Variants in PEX5L observed in about 807,000 individuals in gnomAD.
PEX5L encodes peroxisomal biogenesis factor 5 like, also known as PEX5-related protein.
Under a neutral mutation model 84.0 loss-of-function variants are expected in PEX5L, and 30 were observed. That is an observed-to-expected ratio of 0.36 (90% CI 0.27 to 0.48). The LOEUF (loss-of-function observed/expected upper bound fraction) is 0.48, where lower values mean the gene tolerates loss of function less well. Among genes scored for constraint, PEX5L ranks in the 20% least tolerant of loss-of-function variants. The pLI is 0.99. For missense variants in PEX5L, 533 were observed against 754.6 expected (o/e 0.71, Z 3.44); for synonymous variants, 270 against 283.1 (o/e 0.95, Z 0.46).
chr3:179,982,724 C>A (rs1354372027), intron 1 of PEX5L, among the ~76,000 whole-genome samples: 1 of 152,060 alleles, frequency 6.6e-6, no homozygotes, highest in African/African-American at 2.4e-5. Context: ...ATAAGTGCAT[C>A]TTTAGAAGTA....
At chr3:179,867,025 C>CAAAAAAAAAAA (rs61404630) in intron 7 of PEX5L, among the ~76,000 whole-genome samples, 2 of 89,412 alleles carry the variant, frequency 2.2e-5, no homozygotes, top group Non-Finnish European at 4.5e-5. Flanking sequence ...GACTCTGTCT[C>CAAAAAAAAAAA]AAAAAAAAAA....
intron 13 of PEX5L, 68 bp downstream of exon 13, chr3:179,808,204 G>C (rs367671031): frequency 7.8e-6 from 10 of 1,276,018 alleles, no homozygotes; most frequent in East Asian, 2.4e-5. Context: ...AATGTAGACG[G>C]TGTAGCCTGT....
chr3:179,900,114 C>T (rs113640756), intron 2 of PEX5L, among the ~76,000 whole-genome samples: 85 of 152,226 alleles, frequency 5.6e-4, no homozygotes, highest in African/African-American at 1.9e-3. Flanking sequence ...AAACATCACA[C>T]GCTATAAACT....
chr3:179,943,852 C>T (rs1776811484), intron 2 of PEX5L, among the ~76,000 whole-genome samples: 1 of 152,154 alleles, frequency 6.6e-6, no homozygotes, highest in South Asian at 2.1e-4. Context: ...TTCCTTTCCA[C>T]ATCAGCTATT....
chr3:179,896,986 A>G (rs986928484), intron 3 of PEX5L, among the ~76,000 whole-genome samples: 1 of 152,130 alleles, frequency 6.6e-6, no homozygotes, highest in Non-Finnish European at 1.5e-5. Context: ...AAAAAGCTGA[A>G]AACATAAAAT....
rs79533014 is a variant in PEX5L at position 179,942,887 on chromosome 3, T to C, written c.93+28707A>G. Among the ~76,000 whole-genome samples the C allele has an allele frequency of 2.0e-5, 3 of 152,356 alleles. No homozygotes were observed. The East Asian group carries it at 5.8e-4, about 29-fold the overall frequency. On this transcript the variant is annotated intron_variant, in intron 2 of 14. Coordinates refer to ENST00000467460, the MANE Select transcript of PEX5L (RefSeq NM_016559.3). ...TAGTAGACATAATGGAAAGGCCGTATTACTTTGGCATCAGGAGGCCTGCGT... is the reference window on the plus strand; with the variant it reads ...TAGTAGACATAATGGAAAGGCCGTACTACTTTGGCATCAGGAGGCCTGCGT...
intron 2 of PEX5L, among the ~76,000 whole-genome samples, chr3:179,911,141 A>G (rs535499182): frequency 3.9e-5 from 6 of 152,152 alleles, no homozygotes; most frequent in Non-Finnish European, 5.9e-5. Context: ...TCTATATTCC[A>G]TATTTCTGTT....
intron 2 of PEX5L, among the ~76,000 whole-genome samples, chr3:179,904,003 T>C (rs906002839): frequency 6.6e-6 from 1 of 152,242 alleles, no homozygotes; most frequent in East Asian, 1.9e-4. Context: ...GATTCATATG[T>C]GGAATTTACA....
intron 1 of PEX5L, among the ~76,000 whole-genome samples, chr3:179,985,536 C>T (rs1167472345): frequency 6.6e-6 from 1 of 151,962 alleles, no homozygotes; most frequent in Non-Finnish European, 1.5e-5. Flanking sequence ...TGGTTCAAAC[C>T]AGCTTTGAGT....
At chr3:179,998,750 C>G (rs1452192621) in intron 1 of PEX5L, among the ~76,000 whole-genome samples, 3 of 152,196 alleles carry the variant, frequency 2.0e-5, no homozygotes, top group African/African-American at 7.2e-5. Context: ...CATGATCAGG[C>G]TGGAACAGGT....
At chr3:179,852,911 C>A (rs1742461205) in intron 8 of PEX5L, among the ~76,000 whole-genome samples, 1 of 152,142 alleles carries the variant, frequency 6.6e-6, no homozygotes, top group Admixed American at 6.5e-5. Flanking sequence ...GTAAGTTAGT[C>A]ATATACCTTA....
intron 3 of PEX5L, among the ~76,000 whole-genome samples, chr3:179,889,623 G>C (rs758031235): frequency 4.6e-5 from 7 of 152,078 alleles, no homozygotes; most frequent in Non-Finnish European, 1.0e-4. Flanking sequence ...GATTTTGCTA[G>C]GAATCAAATC....
intron 8 of PEX5L, among the ~76,000 whole-genome samples, chr3:179,834,210 G>C (rs1459884625): frequency 2.0e-5 from 3 of 152,204 alleles, no homozygotes; most frequent in Non-Finnish European, 2.9e-5. Flanking sequence ...CCAAGGGAGA[G>C]TATTTCTAGG....
At chr3:179,958,199 T>C (rs1421597936) in intron 2 of PEX5L, among the ~76,000 whole-genome samples, 1 of 152,230 alleles carries the variant, frequency 6.6e-6, no homozygotes, top group Non-Finnish European at 1.5e-5. Context: ...TTTCAGATTT[T>C]ACCATCTTAT....
chr3:180,000,638 CTTTT>C (rs1349718370), intron 1 of PEX5L, among the ~76,000 whole-genome samples: 2 of 151,324 alleles, frequency 1.3e-5, no homozygotes, highest in East Asian at 3.8e-4. Context: ...TTTCCTCCTT[CTTTT>C]GTTAAAAACA....
chr3:179,853,061 A>G (rs1362755041), intron 8 of PEX5L, among the ~76,000 whole-genome samples: 1 of 152,246 alleles, frequency 6.6e-6, no homozygotes, highest in Non-Finnish European at 1.5e-5. Flanking sequence ...GGATGAATAA[A>G]GAAGGAAGTC....
intron 2 of PEX5L, among the ~76,000 whole-genome samples, chr3:179,904,749 T>A (rs745980617): frequency 6.6e-6 from 1 of 152,158 alleles, no homozygotes; most frequent in Non-Finnish European, 1.5e-5. Context: ...TGCTTAACAG[T>A]ATTATGGGCC....
At chr3:179,955,802 A>G (rs1312363225) in intron 2 of PEX5L, among the ~76,000 whole-genome samples, 2 of 152,150 alleles carry the variant, frequency 1.3e-5, no homozygotes, top group Non-Finnish European at 2.9e-5. Flanking sequence ...AGTTATCTAA[A>G]TAATCACTCA....
At chr3:179,905,550 C>T (rs1762905888) in intron 2 of PEX5L, among the ~76,000 whole-genome samples, 3 of 152,078 alleles carry the variant, frequency 2.0e-5, no homozygotes, top group South Asian at 2.1e-4. Context: ...TGAGCCACCG[C>T]GCCCCGCCAA....
Sources: gnomAD v4.1 joint callset for allele counts (sites outside exome capture counted in the v4.1 genomes callset) on GRCh38, gnomAD v4.1.1 for gene constraint, MANE v1.5 for transcripts, NCBI Gene and HGNC (gene_info 2026-07-23, HGNC 2026-07-21) for gene names.